Variants in PPARGC1A observed in about 807,000 individuals in gnomAD.
The protein encoded by PPARGC1A is peroxisome proliferator-activated receptor gamma coactivator 1-alpha.
Under a neutral mutation model 88.7 loss-of-function variants are expected in PPARGC1A, and 25 were observed. The ratio of observed to expected loss-of-function variants is 0.28; its 90% confidence interval spans 0.21 to 0.39. PPARGC1A has a LOEUF of 0.39. Ranked by LOEUF, PPARGC1A falls within the 10% of genes least tolerant of loss-of-function variation. The pLI is 1.00. For missense variants in PPARGC1A, 880 were observed against 968.7 expected (o/e 0.91, Z 1.22); for synonymous variants, 363 against 355.6 (o/e 1.02, Z -0.24).
chr4:24,086,217 T>C, the PPARGC1A span, among the ~76,000 whole-genome samples: 1 of 152,140 alleles, frequency 6.6e-6, no homozygotes, highest in East Asian at 1.9e-4. Context: ...TCCAACAATC[T>C]CTTTTCAGAT....
chr4:24,230,174 T>C, the PPARGC1A span, among the ~76,000 whole-genome samples: 1 of 152,234 alleles, frequency 6.6e-6, no homozygotes, highest in Admixed American at 6.5e-5. Context: ...TCGCTCCAAT[T>C]TGATCATCCT....
chr4:24,368,539 G>A, the PPARGC1A span, among the ~76,000 whole-genome samples: 1 of 151,952 alleles, frequency 6.6e-6, no homozygotes, highest in African/African-American at 2.4e-5. Flanking sequence ...TCAAATTTGG[G>A]GGGTTCTCTC....
chr4:23,907,320 G>T (rs764705050), upstream of PPARGC1A, among the ~76,000 whole-genome samples: 7 of 152,154 alleles, frequency 4.6e-5, no homozygotes, highest in African/African-American at 1.4e-4. Context: ...GATGTCTGAC[G>T]CAAAGGTAGT....
chr4:23,977,624 G>A, the PPARGC1A span, among the ~76,000 whole-genome samples: 205 of 152,184 alleles, frequency 1.3e-3, no homozygotes, highest in African/African-American at 4.2e-3. Flanking sequence ...AAACCACCAC[G>A]GCACACGTTT....
At chr4:24,211,126 C>T in the PPARGC1A span, among the ~76,000 whole-genome samples, 5 of 152,160 alleles carry the variant, frequency 3.3e-5, no homozygotes, top group Non-Finnish European at 7.3e-5. Flanking sequence ...TCTTGTTATT[C>T]CCAGAGCCTG....
chr4:24,269,941 T>C, the PPARGC1A span, among the ~76,000 whole-genome samples: 2 of 152,310 alleles, frequency 1.3e-5, no homozygotes, highest in Non-Finnish European at 2.9e-5. Context: ...TAATTAATTT[T>C]GAGTGTCAAC....
At chr4:23,952,191 C>A in the PPARGC1A span, among the ~76,000 whole-genome samples, 1 of 152,104 alleles carries the variant, frequency 6.6e-6, no homozygotes, top group Non-Finnish European at 1.5e-5. Flanking sequence ...AAAAAGAATC[C>A]AAAACACAAA....
the PPARGC1A span, among the ~76,000 whole-genome samples, chr4:24,420,962 G>A: frequency 6.6e-6 from 1 of 152,144 alleles, no homozygotes; most frequent in Admixed American, 6.5e-5. Context: ...GGCAGAAAAT[G>A]TTAAAAGCAT....
the PPARGC1A span, among the ~76,000 whole-genome samples, chr4:24,123,328 G>A: frequency 6.6e-6 from 1 of 152,170 alleles, no homozygotes; most frequent in Non-Finnish European, 1.5e-5. Context: ...GAGCTTAGCT[G>A]TAGAGGGTCT....
the PPARGC1A span, among the ~76,000 whole-genome samples, chr4:24,087,367 G>A: frequency 6.6e-6 from 1 of 152,174 alleles, no homozygotes; most frequent in Non-Finnish European, 1.5e-5. Flanking sequence ...CTTGATCCTT[G>A]AGGAGTTCAT....
chr4:24,134,474 G>T, the PPARGC1A span, among the ~76,000 whole-genome samples: 2 of 152,162 alleles, frequency 1.3e-5, no homozygotes, highest in African/African-American at 4.8e-5. Flanking sequence ...ATATGTTTGC[G>T]TGTTCGCAAT....
chr4:23,935,004 C>T, the PPARGC1A span, among the ~76,000 whole-genome samples: 1 of 152,202 alleles, frequency 6.6e-6, no homozygotes, highest in Admixed American at 6.5e-5. Flanking sequence ...CCTACATGTA[C>T]TTGGGCAGAA....
chr4:24,008,323 G>A, the PPARGC1A span, among the ~76,000 whole-genome samples: 2 of 152,138 alleles, frequency 1.3e-5, no homozygotes, highest in Non-Finnish European at 2.9e-5. Flanking sequence ...TTATTTAAAG[G>A]AAACAGAAAA....
the PPARGC1A span, among the ~76,000 whole-genome samples, chr4:24,127,338 G>A: frequency 1.3e-5 from 2 of 151,816 alleles, no homozygotes; most frequent in Admixed American, 1.3e-4. Context: ...GCGGGGGTGG[G>A]GGAACCATAG....
intron 10 of PPARGC1A, among the ~76,000 whole-genome samples, chr4:23,802,672 A>G (rs1194458868): frequency 7.7e-6 from 1 of 129,726 alleles, no homozygotes; most frequent in Non-Finnish European, 1.6e-5. Flanking sequence ...GCGAGACTCC[A>G]TCTCAAAAAA....
At chr4:24,428,643 T>G in the PPARGC1A span, among the ~76,000 whole-genome samples, 1 of 152,212 alleles carries the variant, frequency 6.6e-6, no homozygotes, top group African/African-American at 2.4e-5. Flanking sequence ...AAGGACACCC[T>G]TTGACAGTAC....
chr4:24,098,421 TGATTAA>T, the PPARGC1A span, among the ~76,000 whole-genome samples: 1 of 152,210 alleles, frequency 6.6e-6, no homozygotes. Flanking sequence ...TCAATTTATG[TGATTAA>T]CCAGTGAACT....
At chr4:23,889,101 T>C (rs1331393406) in intron 1 of PPARGC1A, 1 of 985,376 alleles carries the variant, frequency 1.0e-6, no homozygotes, top group East Asian at 1.1e-4. Flanking sequence ...CCTGTATGAA[T>C]TGTAGCCAGC....
intron 2 of PPARGC1A, among the ~76,000 whole-genome samples, chr4:23,840,287 G>A (rs918056865): frequency 6.6e-6 from 1 of 151,996 alleles, no homozygotes; most frequent in African/African-American, 2.4e-5. Flanking sequence ...CAGGCTAACT[G>A]GAATGTATGG....
Sources: gnomAD v4.1 joint callset for allele counts (sites outside exome capture counted in the v4.1 genomes callset) on GRCh38, gnomAD v4.1.1 for gene constraint, MANE v1.5 for transcripts, NCBI Gene and HGNC (gene_info 2026-07-23, HGNC 2026-07-21) for gene names.